Variants in FAM241A observed in about 807,000 individuals in gnomAD.
FAM241A encodes uncharacterized protein FAM241A.
Under a neutral mutation model 12.2 loss-of-function variants are expected in FAM241A, and 7 were observed. The observed-to-expected ratio is 0.58, with a 90% CI of 0.33 to 1.08. The LOEUF is 1.08. Among genes scored for constraint, FAM241A ranks in the 50% least tolerant of loss-of-function variants. FAM241A has a pLI of 0.04. For synonymous variants in FAM241A, 74 were observed against 68.2 expected (o/e 1.08, Z -0.42); for missense variants, 161 against 169.7 (o/e 0.95, Z 0.29).
chr4:112,182,129 G>A (rs1280891357), intron 1 of FAM241A, among the ~76,000 whole-genome samples: 1 of 152,264 alleles, frequency 6.6e-6, no homozygotes, highest in South Asian at 2.1e-4. Context: ...TGGGGAAGAG[G>A]GAGAGGGAGG....
In FAM241A at chr4:112,193,039, C is replaced by G. The variant is rs1440918070; in HGVS notation, c.*6101C>G. 11 of 151,352 alleles carry G rather than the reference C, an allele frequency of 7.3e-5. No homozygotes were observed. Among genetic ancestry groups the G allele is most frequent in the South Asian group, 4.2e-4 (2 of 4,806 alleles). The allele number at this position is 151,352 out of a possible 1,614,324, so 9.4% of individuals were successfully genotyped here. A position where few individuals can be genotyped will look rare whatever the true frequency, so the allele number is the denominator to read the frequency against. ...TCCTGACTTTTTAATGATCGCCATT[C>G]TAACTGGTGTGAGATGGTATCTCAT... On this transcript the variant is annotated 3_prime_UTR_variant, in exon 2 of 2. Transcript: ENST00000309733.
At chr4:112,168,079 C>A (rs1723635651) in intron 1 of FAM241A, among the ~76,000 whole-genome samples, 1 of 152,210 alleles carries the variant, frequency 6.6e-6, no homozygotes, top group Non-Finnish European at 1.5e-5. Flanking sequence ...GGCATGTAAG[C>A]ACAAACTTTA....
chr4:112,174,373 G>C (rs1723779972), intron 1 of FAM241A, among the ~76,000 whole-genome samples: 1 of 152,220 alleles, frequency 6.6e-6, no homozygotes, highest in Admixed American at 6.5e-5. Flanking sequence ...GGCAGATCTG[G>C]CTGGGCACGG....
At chr4:112,185,793 T>C (rs1724026290) in intron 1 of FAM241A, among the ~76,000 whole-genome samples, 1 of 152,144 alleles carries the variant, frequency 6.6e-6, no homozygotes, top group Non-Finnish European at 1.5e-5. Context: ...AACCCCCAAA[T>C]TGCAATCAGC....
Position 112,190,169 on chromosome 4 carries a change from A to G in FAM241A, c.*3231A>G, listed in dbSNP as rs1724136003. On this transcript the variant is annotated 3_prime_UTR_variant, in exon 2 of 2. Coordinates refer to ENST00000309733, the MANE Select transcript of FAM241A (RefSeq NM_152400.3). ...CTATCCAGGCAATCAGGAAAGGCAA[A>G]ACTTACAGAATGATAGAGGAAAAAT... 2.0e-5 allele frequency: 3 copies of G among 152,188 alleles called. No individual in the cohort carries two copies. The highest frequency in any genetic ancestry group is 2.0e-4 in the Admixed American group (3 of 15,278). 9.4% of individuals were successfully genotyped at this position (152,188 alleles called of 1,614,324 possible).
At chr4:112,176,619 A>C (rs1723827873) in intron 1 of FAM241A, among the ~76,000 whole-genome samples, 1 of 152,192 alleles carries the variant, frequency 6.6e-6, no homozygotes, top group Non-Finnish European at 1.5e-5. Context: ...CTTCTCAAAA[A>C]TCCAGTGATT....
chr4:112,174,809 A>G (rs1723788058), intron 1 of FAM241A, among the ~76,000 whole-genome samples: 1 of 152,236 alleles, frequency 6.6e-6, no homozygotes, highest in Non-Finnish European at 1.5e-5. Flanking sequence ...ACAGGACAAT[A>G]GCCTCAATGG....
rs190874957 is a variant in FAM241A at position 112,158,590 on chromosome 4, A to G, written c.153+12857A>G. Among the ~76,000 whole-genome samples, 10 of 152,008 alleles carry G rather than the reference A, an allele frequency of 6.6e-5. No individual in the cohort carries two copies. In the South Asian group the frequency reaches 1.7e-3, roughly 25 times the overall value. On this transcript the variant is annotated intron_variant, in intron 1 of 1. Coordinates refer to ENST00000309733, the MANE Select transcript of FAM241A (RefSeq NM_152400.3). ...AGACAATGTATAAATGAACAAGTCT[A>G]TCAGCGAACAAGTAAATCATTGGGT...
chr4:112,174,965 C>G lies in FAM241A; in HGVS notation c.154-11728C>G, dbSNP rs186623256. Reference sequence around the variant, plus strand: ...AACTGTGTATATGCCCAAGGCATTTCTCTGTCAGTTGCTAGAGTGGGAATC... The same window carrying G: ...AACTGTGTATATGCCCAAGGCATTTGTCTGTCAGTTGCTAGAGTGGGAATC... On this transcript the variant is annotated intron_variant, in intron 1 of 1. Transcript: ENST00000309733. Among the ~76,000 whole-genome samples, 5 of 152,342 alleles carry G rather than the reference C, an allele frequency of 3.3e-5. No homozygotes were observed. The East Asian group carries it at 9.6e-4, about 29-fold the overall frequency.
At chr4:112,146,581 A>G (rs1723142788) in intron 1 of FAM241A, among the ~76,000 whole-genome samples, 1 of 152,240 alleles carries the variant, frequency 6.6e-6, no homozygotes, top group African/African-American at 2.4e-5. Context: ...GCCGCTCTTT[A>G]GACTCACATT....
At chr4:112,181,341 G>A (rs1342046498) in intron 1 of FAM241A, among the ~76,000 whole-genome samples, 1 of 151,270 alleles carries the variant, frequency 6.6e-6, no homozygotes, top group Non-Finnish European at 1.5e-5. Context: ...AAAAAAAGGA[G>A]CAAAGTAGAA....
rs1242672657 is a variant in FAM241A, at chr4:112,193,034, C to T, written c.*6096C>T. The stretch of plus-strand genomic sequence containing the variant: ...TTGTTTCCTGACTTTTTAATGATCG[C>T]CATTCTAACTGGTGTGAGATGGTAT... On this transcript the variant is annotated 3_prime_UTR_variant, in exon 2 of 2. Coordinates refer to ENST00000309733, the MANE Select transcript of FAM241A (RefSeq NM_152400.3). 1 of 150,964 alleles carries T rather than the reference C, an allele frequency of 6.6e-6. No individual in the cohort carries two copies. The highest frequency in any genetic ancestry group is 2.5e-5 in the African/African-American group (1 of 40,706). The allele number at this position is 150,964 out of a possible 1,614,324, so 9.4% of individuals were successfully genotyped here. A position where few individuals can be genotyped will look rare whatever the true frequency, so the allele number is the denominator to read the frequency against.
chr4:112,178,029 A>G (rs949032076), intron 1 of FAM241A, among the ~76,000 whole-genome samples: 17 of 152,142 alleles, frequency 1.1e-4, no homozygotes, highest in Admixed American at 4.6e-4. Flanking sequence ...TGGGCCAGGC[A>G]TAGTGCAATA....
intron 1 of FAM241A, among the ~76,000 whole-genome samples, chr4:112,163,571 C>T (rs1346534030): frequency 2.6e-5 from 4 of 152,192 alleles, no homozygotes; most frequent in Admixed American, 6.5e-5. Flanking sequence ...TGCTCACCAT[C>T]ACTGGTCATC....
Position 112,145,586 on chromosome 4 carries a change from C to G in FAM241A, c.6C>G (p.Cys2Trp), listed in dbSNP as rs78282872. ...CGGTAGGAGTTGGCTGCGGGATGTG[C>G]TCAGCCGGGGAGCTGCTGCGGGGCG... MCSAGELLRGGD... is the reference protein window; with the variant it reads MWSAGELLRGGD... Residue 2 changes from cysteine (C) to tryptophan (W), a missense_variant, in exon 1 of 2, where the codon TGC becomes TGG. Transcript: ENST00000309733. 160 of 1,248,378 alleles carry G rather than the reference C, an allele frequency of 1.3e-4. No individual in the cohort carries two copies. The African/African-American group carries it at 2.3e-3, about 18-fold the overall frequency. The allele number at this position is 1,248,378 out of a possible 1,614,324, so 77.3% of individuals were successfully genotyped here.
Position 112,187,476 on chromosome 4 carries a change from T to C in FAM241A, c.*538T>C, listed in dbSNP as rs996239428. ...TAAATGATAATTAGCATACACTACC[T>C]TAATATTGTGATGAAAATCAGTAAA... On this transcript the variant is annotated 3_prime_UTR_variant, in exon 2 of 2. Coordinates refer to ENST00000309733, the MANE Select transcript of FAM241A (RefSeq NM_152400.3). 16 of 152,676 alleles carry C rather than the reference T, an allele frequency of 1.0e-4. No individual in the cohort carries two copies. Among genetic ancestry groups the C allele is most frequent in the African/African-American group, 3.9e-4 (16 of 41,462 alleles). The allele number at this position is 152,676 out of a possible 1,614,324, so 9.5% of individuals were successfully genotyped here.
rs1047934709 is a variant in FAM241A, at chr4:112,187,371, C to G, written c.*433C>G. Reference sequence around the variant, plus strand: ...GTTTCACTTAGAAAACTTCTCCCCACTCACACTCCCCACCAAATAATCTCA... The same window carrying G: ...GTTTCACTTAGAAAACTTCTCCCCAGTCACACTCCCCACCAAATAATCTCA... On this transcript the variant is annotated 3_prime_UTR_variant, in exon 2 of 2. Transcript: ENST00000309733. The G allele has an allele frequency of 1.3e-5, 2 of 154,912 alleles. No homozygotes were observed. The highest frequency in any genetic ancestry group is 2.9e-5 in the Non-Finnish European group (2 of 69,802). The allele number at this position is 154,912 out of a possible 1,614,324, so 9.6% of individuals were successfully genotyped here.
At chr4:112,186,042 A>G (rs759425763) in intron 1 of FAM241A, among the ~76,000 whole-genome samples, 1 of 152,158 alleles carries the variant, frequency 6.6e-6, no homozygotes, top group Non-Finnish European at 1.5e-5. Context: ...GGCCTTAATT[A>G]TAATACAAGT....
chr4:112,164,107 C>T (rs1723541852), intron 1 of FAM241A, among the ~76,000 whole-genome samples: 1 of 149,596 alleles, frequency 6.7e-6, no homozygotes, highest in Non-Finnish European at 1.5e-5. Flanking sequence ...CACACTGGGG[C>T]CTGTTGTGGG....
Sources: allele counts gnomAD v4.1 joint callset (sites outside exome capture counted in the v4.1 genomes callset), GRCh38; gene constraint gnomAD v4.1.1; transcripts MANE v1.5; gene names NCBI Gene and HGNC (gene_info 2026-07-23, HGNC 2026-07-21).